The following DNAH12 variants were observed in gnomAD, a reference collection of about 807,000 sequenced individuals.
DNAH12 encodes axonemal beta dynein heavy chain 12.
In DNAH12, 285 loss-of-function variants were observed where a neutral mutation model predicts 371.5. That is an observed-to-expected ratio of 0.77 (90% confidence interval 0.70 to 0.85). The LOEUF (loss-of-function observed/expected upper bound fraction) is 0.85. Among genes scored for constraint, DNAH12 ranks in the 40% least tolerant of loss-of-function variants. DNAH12 has a pLI of 0.00. For missense variants in DNAH12, 3,611 were observed against 3,689.4 expected (o/e 0.98, Z 0.55); for synonymous variants, 1,200 against 1,213.0 (o/e 0.99, Z 0.22).
chr3:57,452,466 T>A (rs1328147951), intron 25 of DNAH12, among the ~76,000 whole-genome samples: 1 of 152,110 alleles, frequency 6.6e-6, no homozygotes, highest in Non-Finnish European at 1.5e-5. Flanking sequence ...CCATCCTACT[T>A]AACAGCACTA....
rs868830817 is a variant in DNAH12, at chr3:57,538,544, G to T, written c.170+4157C>A. Among the ~76,000 whole-genome samples the T allele has an allele frequency of 1.1e-4, 17 of 152,122 alleles. No individual in the cohort carries two copies. In the South Asian group the frequency reaches 1.4e-3, roughly 13 times the overall value. On this transcript the variant is annotated intron_variant, in intron 2 of 73. Transcript: ENST00000495027. Reference sequence around the variant, plus strand: ...ATGTCAAAGTGGAGAAGACAACAAAGAAAATAAAAGTACATTGTGTTATAA... The same window carrying T: ...ATGTCAAAGTGGAGAAGACAACAAATAAAATAAAAGTACATTGTGTTATAA...
chr3:57,400,115 C>A (rs2063826482), intron 43 of DNAH12, among the ~76,000 whole-genome samples: 1 of 152,038 alleles, frequency 6.6e-6, no homozygotes, highest in African/African-American at 2.4e-5. Context: ...TGGCGAAACC[C>A]CATCTCTACA....
chr3:57,409,359 C>G (rs2064134362), intron 39 of DNAH12, among the ~76,000 whole-genome samples: 1 of 151,948 alleles, frequency 6.6e-6, no homozygotes, highest in East Asian at 1.9e-4. Flanking sequence ...GGTAACAACC[C>G]TAATAATCAA....
At chr3:57,552,897 C>A in the DNAH12 span, among the ~76,000 whole-genome samples, 10 of 151,848 alleles carry the variant, frequency 6.6e-5, no homozygotes, top group African/African-American at 2.4e-4. Context: ...TAAAAAGTGG[C>A]TGGGCGTGGT....
chr3:57,307,536 C>T (rs1258413017), intron 69 of DNAH12, among the ~76,000 whole-genome samples: 2 of 152,188 alleles, frequency 1.3e-5, no homozygotes, highest in Admixed American at 1.3e-4. Flanking sequence ...TGGCCGCCAC[C>T]ACCCTAATAC....
chr3:57,358,419 G>A (rs2062848129), intron 58 of DNAH12, among the ~76,000 whole-genome samples: 1 of 115,284 alleles, frequency 8.7e-6, no homozygotes, highest in African/African-American at 2.8e-5. Flanking sequence ...GAGACAGAGA[G>A]TACAGAAACT....
chr3:57,492,286 C>A (rs528368430), intron 11 of DNAH12, among the ~76,000 whole-genome samples: 1 of 152,042 alleles, frequency 6.6e-6, no homozygotes, highest in East Asian at 1.9e-4. Flanking sequence ...CATGGAGCAA[C>A]CGTGTCTCTA....
chr3:57,510,144 A>AC (rs1242142427), intron 5 of DNAH12, among the ~76,000 whole-genome samples: 3 of 152,170 alleles, frequency 2.0e-5, no homozygotes, highest in Middle Eastern at 3.4e-3. Context: ...CAAAGATTAT[A>AC]CCCCTAATAA....
chr3:57,454,378 G>A (rs1381468827), intron 23 of DNAH12, among the ~76,000 whole-genome samples: 2 of 151,892 alleles, frequency 1.3e-5, no homozygotes, highest in Non-Finnish European at 2.9e-5. Flanking sequence ...TACTCGGAAG[G>A]CTGAGGCAGG....
In DNAH12 at chr3:57,523,848, C is replaced by G. The variant is rs760948178; in HGVS notation, c.207G>C (p.Leu69=). 3 of 1,605,090 alleles carry G rather than the reference C, an allele frequency of 1.9e-6. No individual in the cohort carries two copies. The highest frequency in any genetic ancestry group is 1.3e-5 in the African/African-American group (1 of 74,662). The change falls in exon 3 of 74, where the codon CTG becomes CTC. Residue 69 remains leucine (L), a synonymous_variant. Coordinates refer to ENST00000495027, the MANE Select transcript of DNAH12 (RefSeq NM_001366028.2). ...DGAKRNLDRT[L]GKRTPLLPPP... ...GTGGTAATAGAGGTGTTCTTTTACC[C>G]AGTGTTCTGTCTAAATTTCTTTTGG...
chr3:57,417,521 G>C (rs1280735184), intron 37 of DNAH12, among the ~76,000 whole-genome samples: 2 of 152,266 alleles, frequency 1.3e-5, no homozygotes, highest in South Asian at 4.1e-4. Flanking sequence ...TGGGGTCCAT[G>C]AGCCAACTAA....
intron 35 of DNAH12, among the ~76,000 whole-genome samples, chr3:57,422,064 G>T (rs904429761): frequency 2.0e-5 from 3 of 150,960 alleles, no homozygotes; most frequent in Non-Finnish European, 4.4e-5. Context: ...ACACCACAAA[G>T]CCTGACTAAT....
intron 39 of DNAH12, 94 bp downstream of exon 39, chr3:57,413,652 C>G (rs1220971341): frequency 7.5e-7 from 1 of 1,338,398 alleles, no homozygotes; most frequent in Non-Finnish European, 1.0e-6. Context: ...ATTCTTTTCC[C>G]TAAATATCTT....
chr3:57,296,450 ACACACTAG>A lies in DNAH12; in HGVS notation c.11533-23_11533-16del. 6.5e-7 allele frequency: 1 copy of A among 1,533,406 alleles called. No individual in the cohort carries two copies. Among genetic ancestry groups the A allele is most frequent in the Admixed American group, 2.0e-5 (1 of 50,844 alleles). The allele number at this position is 1,533,406 out of a possible 1,614,324, so 95.0% of individuals were successfully genotyped here. A position where few individuals can be genotyped will look rare whatever the true frequency, so the allele number is the denominator to read the frequency against. On this transcript the variant is annotated splice_polypyrimidine_tract_variant and intron_variant, in intron 71 of 73. Transcript: ENST00000495027. ...GATGGGATAACCTGAAGGGATAGGC[ACACACTAG>A]CAGTGATCCTCTCCAGACAACTTCA... is the stretch of plus-strand genomic sequence containing the variant.
chr3:57,381,348 A>G (rs2063387130), intron 50 of DNAH12, among the ~76,000 whole-genome samples: 1 of 151,952 alleles, frequency 6.6e-6, no homozygotes, highest in African/African-American at 2.4e-5. Flanking sequence ...AAAAAAATCT[A>G]ATTCTTTAAT....
intron 13 of DNAH12, among the ~76,000 whole-genome samples, chr3:57,477,775 C>T (rs6768594): frequency 0.072 from 10,962 of 152,222 alleles, 1,321 homozygotes; most frequent in African/African-American, 0.25. Context: ...CCAATATCCG[C>T]TGTTCTGCAG....
chr3:57,303,702 C>T (rs2061411032), intron 69 of DNAH12, among the ~76,000 whole-genome samples: 1 of 152,064 alleles, frequency 6.6e-6, no homozygotes, highest in Non-Finnish European at 1.5e-5. Context: ...TGAGCCTGGC[C>T]AGAACTTTTT....
intron 25 of DNAH12, among the ~76,000 whole-genome samples, 157 bp from the exon 26 acceptor site, chr3:57,446,846 T>A (rs560039479): frequency 1.3e-5 from 2 of 152,226 alleles, no homozygotes; most frequent in African/African-American, 2.4e-5. Context: ...TCTAGCTGCA[T>A]GAAGAGAAAG....
rs570800039 is a variant in DNAH12, at chr3:57,351,985, G to A, written c.9674+100C>T. ...GCACAAGTAAAATCATGACTTAAGC[G>A]AAGAAAAATATAGACTTCTGTGAGA... On this transcript the variant is annotated intron_variant, in intron 60 of 73. Transcript: ENST00000495027. 1.6e-3 allele frequency: 1,998 copies of A among 1,239,676 alleles called. 11 individuals carry two copies. Among genetic ancestry groups the A allele is most frequent in the South Asian group, 8.6e-3 (459 of 53,296 alleles). 76.8% of individuals were successfully genotyped at this position (1,239,676 alleles called of 1,614,324 possible). A position where few individuals can be genotyped will look rare whatever the true frequency, so the allele number is the denominator to read the frequency against.
Sources: allele counts gnomAD v4.1 joint callset (sites outside exome capture counted in the v4.1 genomes callset), GRCh38; gene constraint gnomAD v4.1.1; transcripts MANE v1.5; gene names NCBI Gene and HGNC (gene_info 2026-07-23, HGNC 2026-07-21).